Variants in PRKCB observed in about 807,000 individuals in gnomAD.
PRKCB encodes the protein protein kinase C beta.
Under a neutral mutation model 81.5 loss-of-function variants are expected in PRKCB, and 13 were observed. The observed-to-expected ratio is 0.16, with a 90% CI of 0.10 to 0.25. PRKCB has a LOEUF of 0.25. PRKCB is among the 10% of genes least tolerant of loss of function. PRKCB has a pLI of 1.00. For missense variants in PRKCB, 509 were observed against 875.7 expected (o/e 0.58, Z 5.29); for synonymous variants, 335 against 321.4 (o/e 1.04, Z -0.45).
chr16:24,111,610 G>A (rs1387089883), intron 7 of PRKCB, among the ~76,000 whole-genome samples: 2 of 148,634 alleles, frequency 1.3e-5, no homozygotes, highest in Non-Finnish European at 3.0e-5. Flanking sequence ...AACATAGCAA[G>A]ACCCTATCTC....
At chr16:23,888,201 C>G (rs1364550321) in intron 2 of PRKCB, among the ~76,000 whole-genome samples, 4 of 152,232 alleles carry the variant, frequency 2.6e-5, no homozygotes, top group Non-Finnish European at 4.4e-5. Flanking sequence ...AATCAATGCT[C>G]TCTCTAGTTT....
intron 10 of PRKCB, among the ~76,000 whole-genome samples, chr16:24,163,103 G>T (rs1390027566): frequency 1.3e-5 from 2 of 152,152 alleles, no homozygotes; most frequent in Non-Finnish European, 2.9e-5. Flanking sequence ...GAATCTGGTT[G>T]GTTCAGCTTG....
Position 24,219,727 on chromosome 16 carries a change from A to T in PRKCB, c.*4911A>T, listed in dbSNP as rs1968293042. 1 of 1,365,002 alleles carries T rather than the reference A, an allele frequency of 7.3e-7. No homozygotes were observed. Among genetic ancestry groups the T allele is most frequent in the Non-Finnish European group, 9.4e-7 (1 of 1,059,518 alleles). 84.6% of individuals were successfully genotyped at this position (1,365,002 alleles called of 1,614,324 possible). A position where few individuals can be genotyped will look rare whatever the true frequency, so the allele number is the denominator to read the frequency against. ...ACCACTTTATGGCAATTCTTAACTGACATTCAATGACTTACTTCTTTTCTT... is the reference window on the plus strand; with the variant it reads ...ACCACTTTATGGCAATTCTTAACTGTCATTCAATGACTTACTTCTTTTCTT... On this transcript the variant is annotated 3_prime_UTR_variant, in exon 17 of 17. Transcript: ENST00000643927.
At position 24,180,578 on chromosome 16, in the gene PRKCB, T is replaced by A. The variant is rs187685745; in HGVS notation, c.1395-212T>A. Among the ~76,000 whole-genome samples the A allele has an allele frequency of 3.5e-4, 54 of 152,278 alleles. No individual in the cohort carries two copies. In the East Asian group the frequency reaches 7.0e-3, roughly 20 times the overall value. On this transcript the variant is annotated intron_variant, in intron 12 of 16. Transcript: ENST00000643927. ...GTCCTTGTGAGACACTTGGCACAGT[T>A]GGCTGTGTAGAAAAAGAAAAGCACG...
intron 2 of PRKCB, among the ~76,000 whole-genome samples, chr16:23,945,940 A>G (rs1964199731): frequency 6.6e-6 from 1 of 152,036 alleles, no homozygotes; most frequent in African/African-American, 2.4e-5. Flanking sequence ...GGAGGAATAT[A>G]TATTGGGCAA....
At chr16:24,156,516 T>TCAC (rs1967160487) in intron 10 of PRKCB, among the ~76,000 whole-genome samples, 1 of 152,142 alleles carries the variant, frequency 6.6e-6, no homozygotes, top group African/African-American at 2.4e-5. Flanking sequence ...CTCAAGTGAT[T>TCAC]CACCTGCTTC....
At chr16:23,942,229 A>G (rs1351613286) in intron 2 of PRKCB, among the ~76,000 whole-genome samples, 2 of 152,252 alleles carry the variant, frequency 1.3e-5, no homozygotes, top group African/African-American at 4.8e-5. Context: ...CTACAGAGGG[A>G]AGTGTAGGAA....
At chr16:23,979,955 C>T (rs948278831) in intron 2 of PRKCB, among the ~76,000 whole-genome samples, 1 of 152,184 alleles carries the variant, frequency 6.6e-6, no homozygotes, top group Non-Finnish European at 1.5e-5. Context: ...CATGGTGATG[C>T]ATGCCTGTAG....
intron 2 of PRKCB, among the ~76,000 whole-genome samples, chr16:23,887,574 C>A (rs1409711015): frequency 6.6e-6 from 1 of 152,212 alleles, no homozygotes; most frequent in Admixed American, 6.5e-5. Flanking sequence ...ATATGCACCA[C>A]ATTTTCTTTA....
chr16:24,175,146 C>T (rs187182110), intron 12 of PRKCB, among the ~76,000 whole-genome samples: 2 of 152,082 alleles, frequency 1.3e-5, no homozygotes, highest in East Asian at 1.9e-4. Flanking sequence ...CGATTGCACC[C>T]GAGGCTGCTA....
intron 2 of PRKCB, among the ~76,000 whole-genome samples, chr16:23,917,775 G>GT (rs1236833577): frequency 6.6e-6 from 1 of 152,164 alleles, no homozygotes; most frequent in African/African-American, 2.4e-5. Flanking sequence ...AGGATCAGAT[G>GT]TTTTTTGCAG....
chr16:24,119,918 A>G (rs538646821), intron 8 of PRKCB, among the ~76,000 whole-genome samples: 27 of 152,326 alleles, frequency 1.8e-4, no homozygotes, highest in Admixed American at 1.8e-3. Flanking sequence ...GACCAAGTAT[A>G]TTCACAGCAG....
intron 5 of PRKCB, among the ~76,000 whole-genome samples, chr16:24,054,357 A>G (rs1291580483): frequency 6.6e-6 from 1 of 152,186 alleles, no homozygotes; most frequent in Non-Finnish European, 1.5e-5. Flanking sequence ...TTTGTAGAGC[A>G]TTTTTATATG....
At chr16:23,989,320 A>G (rs570728945) in intron 3 of PRKCB, among the ~76,000 whole-genome samples, 43 of 152,234 alleles carry the variant, frequency 2.8e-4, no homozygotes, top group Admixed American at 8.5e-4. Flanking sequence ...CCTGGGCTCA[A>G]GCAATCCTCC....
At chr16:23,930,467 G>T (rs1176922451) in intron 2 of PRKCB, among the ~76,000 whole-genome samples, 1 of 152,076 alleles carries the variant, frequency 6.6e-6, no homozygotes, top group African/African-American at 2.4e-5. Flanking sequence ...TACTCAGGAG[G>T]CTGAGGTGGG....
chr16:23,881,730 C>G (rs1455986475), intron 2 of PRKCB, among the ~76,000 whole-genome samples: 2 of 151,918 alleles, frequency 1.3e-5, no homozygotes, highest in Non-Finnish European at 2.9e-5. Flanking sequence ...TTTAAGTGTA[C>G]AGTATCATTT....
chr16:23,861,719 T>C (rs1962668143), intron 2 of PRKCB, among the ~76,000 whole-genome samples: 1 of 152,172 alleles, frequency 6.6e-6, no homozygotes, highest in South Asian at 2.1e-4. Context: ...AAGTATTTCA[T>C]GTCACATTTG....
At chr16:24,025,228 A>G (rs1307241938) in intron 3 of PRKCB, among the ~76,000 whole-genome samples, 1 of 152,352 alleles carries the variant, frequency 6.6e-6, no homozygotes. Flanking sequence ...GCAGTGGCCA[A>G]CAGCGATGAT....
At chr16:24,078,515 A>G (rs957767706) in intron 5 of PRKCB, among the ~76,000 whole-genome samples, 3 of 152,212 alleles carry the variant, frequency 2.0e-5, no homozygotes, top group African/African-American at 7.2e-5. Flanking sequence ...CCTGAGGGGA[A>G]CAGATGTTTA....
Sources: allele counts gnomAD v4.1 joint callset (sites outside exome capture counted in the v4.1 genomes callset), GRCh38; gene constraint gnomAD v4.1.1; transcripts MANE v1.5; gene names NCBI Gene and HGNC (gene_info 2026-07-23, HGNC 2026-07-21).